The following SV2C variants were observed in gnomAD, a reference collection of about 807,000 sequenced individuals.
SV2C encodes the protein synaptic vesicle glycoprotein 2C.
In SV2C, 49 loss-of-function variants were observed where a neutral mutation model predicts 79.7. The ratio of observed to expected loss-of-function variants is 0.61; its 90% CI spans 0.49 to 0.78. SV2C has a LOEUF of 0.78. Among genes scored for constraint, SV2C ranks in the 30% least tolerant of loss-of-function variants. The probability of loss-of-function intolerance (pLI) is 0.00; values close to 1 mark genes in which losing one functional copy is unlikely to be tolerated. For missense variants in SV2C, 833 were observed against 912.9 expected, an observed-to-expected ratio of 0.91 and a Z score of 1.13; for synonymous variants, 334 against 333.2, an observed-to-expected ratio of 1.00 and a Z score of -0.03.
the SV2C span, among the ~76,000 whole-genome samples, chr5:76,013,526 TA>T: frequency 6.6e-6 from 1 of 152,204 alleles, no homozygotes; most frequent in East Asian, 1.9e-4. Flanking sequence ...TGGACTTTTC[TA>T]AATATACAAT....
the SV2C span, among the ~76,000 whole-genome samples, chr5:75,897,584 G>T: frequency 6.6e-6 from 1 of 152,228 alleles, no homozygotes; most frequent in Non-Finnish European, 1.5e-5. Flanking sequence ...CTTTAAAGTA[G>T]TTTTTTCCAA....
the SV2C span, among the ~76,000 whole-genome samples, chr5:76,047,481 G>T: frequency 5.9e-5 from 9 of 152,246 alleles, no homozygotes; most frequent in African/African-American, 2.2e-4. Context: ...AGATCACAAG[G>T]TATCTATTCA....
chr5:75,964,167 T>G, the SV2C span, among the ~76,000 whole-genome samples: 3 of 152,142 alleles, frequency 2.0e-5, no homozygotes, highest in Non-Finnish European at 4.4e-5. Context: ...TTCTGTCATG[T>G]GTGTTACAGT....
the SV2C span, among the ~76,000 whole-genome samples, chr5:75,922,015 A>T: frequency 6.6e-6 from 1 of 152,310 alleles, no homozygotes; most frequent in South Asian, 2.1e-4. Flanking sequence ...GATAGAAGAG[A>T]TCATCGAAAA....
the SV2C span, among the ~76,000 whole-genome samples, chr5:76,046,764 C>G: frequency 6.6e-6 from 1 of 152,192 alleles, no homozygotes; most frequent in Non-Finnish European, 1.5e-5. Flanking sequence ...AGGCTCAAGC[C>G]CCTCCTGAGG....
At chr5:75,865,779 G>A in the SV2C span, among the ~76,000 whole-genome samples, 2 of 152,212 alleles carry the variant, frequency 1.3e-5, no homozygotes, top group Admixed American at 6.5e-5. Flanking sequence ...CACGTAGAAC[G>A]TTAATGCCCC....
the SV2C span, among the ~76,000 whole-genome samples, chr5:76,026,347 C>T: frequency 3.3e-5 from 5 of 152,094 alleles, no homozygotes; most frequent in African/African-American, 1.2e-4. Context: ...AACTTTCAGC[C>T]AAAATCCTGA....
chr5:76,236,577 A>G (rs1745622008), intron 4 of SV2C, among the ~76,000 whole-genome samples: 1 of 122,394 alleles, frequency 8.2e-6, no homozygotes, highest in African/African-American at 6.3e-5. Context: ...AATAAAATAA[A>G]ATAAAGAGAG....
chr5:75,934,302 C>CTTTTTTTTTTTTTTTTTTTTTTT, the SV2C span, among the ~76,000 whole-genome samples: 12 of 107,834 alleles, frequency 1.1e-4, no homozygotes, highest in African/African-American at 3.4e-4. Context: ...TTCTTTCTTT[C>CTTTTTTTTTTTTTTTTTTTTTTT]TTTTTTTTTT....
At chr5:75,884,114 T>A in the SV2C span, among the ~76,000 whole-genome samples, 1 of 152,162 alleles carries the variant, frequency 6.6e-6, no homozygotes, top group Non-Finnish European at 1.5e-5. Flanking sequence ...TTGGGAGATT[T>A]TCTTCAGGAA....
chr5:75,974,868 T>C, the SV2C span, among the ~76,000 whole-genome samples: 43 of 152,164 alleles, frequency 2.8e-4, 1 homozygote, highest in Admixed American at 2.4e-3. Context: ...CTCTGAGGTA[T>C]ATGCTATGAT....
the SV2C span, among the ~76,000 whole-genome samples, chr5:76,038,046 A>T: frequency 6.6e-6 from 1 of 152,200 alleles, no homozygotes; most frequent in African/African-American, 2.4e-5. Flanking sequence ...TAGGAAAGGG[A>T]ACTCCCTGAC....
At chr5:76,165,104 T>C (rs1743008190) in intron 2 of SV2C, among the ~76,000 whole-genome samples, 1 of 151,834 alleles carries the variant, frequency 6.6e-6, no homozygotes, top group African/African-American at 2.4e-5. Context: ...CCCACAGGTA[T>C]GCAAGTCTTG....
chr5:75,907,350 T>A, the SV2C span, among the ~76,000 whole-genome samples: 1 of 152,326 alleles, frequency 6.6e-6, no homozygotes, highest in South Asian at 2.1e-4. Flanking sequence ...GAGGGCTTTA[T>A]TATGTCTTCA....
chr5:75,973,342 A>T, the SV2C span, among the ~76,000 whole-genome samples: 2 of 151,868 alleles, frequency 1.3e-5, no homozygotes, highest in South Asian at 2.1e-4. Flanking sequence ...AAAATAAAAA[A>T]AAATTAGCCA....
chr5:76,227,620 G>A (rs1353348142), intron 4 of SV2C, among the ~76,000 whole-genome samples: 2 of 152,180 alleles, frequency 1.3e-5, no homozygotes, highest in Non-Finnish European at 2.9e-5. Flanking sequence ...TAACCTCCGT[G>A]GCACTGAACA....
intron 2 of SV2C, among the ~76,000 whole-genome samples, chr5:76,154,694 A>G (rs550852246): frequency 5.2e-4 from 79 of 152,332 alleles, no homozygotes; most frequent in African/African-American, 1.9e-3. Flanking sequence ...ACTGAAAATT[A>G]CTAAAGAACA....
At chr5:76,099,365 C>CGTGTGTGT (rs10582798) in intron 1 of SV2C, among the ~76,000 whole-genome samples, 8,010 of 148,532 alleles carry the variant, frequency 0.054, 238 homozygotes, top group South Asian at 0.072. Context: ...TTCTTTTGCT[C>CGTGTGTGT]GTGTGTGTGT....
At chr5:76,037,035 A>G in the SV2C span, among the ~76,000 whole-genome samples, 1 of 152,116 alleles carries the variant, frequency 6.6e-6, no homozygotes, top group Non-Finnish European at 1.5e-5. Context: ...AGTTGATCGC[A>G]TCAGCTCCTG....
Sources: gnomAD v4.1 joint callset for allele counts (sites outside exome capture counted in the v4.1 genomes callset) on GRCh38, gnomAD v4.1.1 for gene constraint, MANE v1.5 for transcripts, NCBI Gene and HGNC (gene_info 2026-07-23, HGNC 2026-07-21) for gene names.